Variants in CEACAM4 observed in about 807,000 individuals in gnomAD.
CEACAM4 encodes the protein CEA cell adhesion molecule 4, also known as cell adhesion molecule CEACAM4.
CEACAM4 carries 30 observed loss-of-function variants against 28.7 expected under a neutral mutation model. That is an observed-to-expected ratio of 1.05 (90% CI 0.78 to 1.42). CEACAM4 has a LOEUF of 1.42. CEACAM4 is among the 40% of genes most tolerant of loss of function. The probability of loss-of-function intolerance (pLI) is 0.00; values close to 1 mark genes in which losing one functional copy is unlikely to be tolerated. For synonymous variants in CEACAM4, 143 were observed against 126.5 expected (o/e 1.13, Z -0.87); for missense variants, 330 against 308.2 (o/e 1.07, Z -0.53).
At chr19:41,626,270 C>T (rs894865156) in intron 1 of CEACAM4, among the ~76,000 whole-genome samples, 2 of 152,094 alleles carry the variant, frequency 1.3e-5, no homozygotes, top group African/African-American at 4.8e-5. Context: ...TTGGGAGACC[C>T]CTCCCCTGAC....
downstream of CEACAM4, among the ~76,000 whole-genome samples, chr19:41,614,995 G>A (rs1161046262): frequency 6.6e-6 from 1 of 151,876 alleles, no homozygotes; most frequent in Non-Finnish European, 1.5e-5. Context: ...GGAAGGGAAA[G>A]TTTGGGCATT....
chr19:41,626,266 G>A (rs1364906700), intron 1 of CEACAM4, among the ~76,000 whole-genome samples: 2 of 152,114 alleles, frequency 1.3e-5, no homozygotes, highest in African/African-American at 4.8e-5. Context: ...GTTTTTGGGA[G>A]ACCCCTCCCC....
chr19:41,614,259 T>A (rs558602525), downstream of CEACAM4, among the ~76,000 whole-genome samples: 5 of 152,350 alleles, frequency 3.3e-5, no homozygotes, highest in East Asian at 9.6e-4. Flanking sequence ...TTCCTGGAGC[T>A]CATTCCTTCA....
chr19:41,614,645 C>T (rs1464607553), downstream of CEACAM4, among the ~76,000 whole-genome samples: 1 of 152,190 alleles, frequency 6.6e-6, no homozygotes, highest in African/African-American at 2.4e-5. Flanking sequence ...AGACCAGATG[C>T]CAGGAGCCCT....
intron 5 of CEACAM4, 38 bp downstream of exon 5, chr19:41,620,173 A>G (rs781901559): frequency 2.7e-6 from 4 of 1,484,592 alleles, no homozygotes; most frequent in East Asian, 2.6e-5. Flanking sequence ...CACTGTTGGG[A>G]CCCCAGTAGA....
downstream of CEACAM4, among the ~76,000 whole-genome samples, chr19:41,617,336 T>G (rs1394631836): frequency 6.6e-6 from 1 of 152,188 alleles, no homozygotes; most frequent in Non-Finnish European, 1.5e-5. Context: ...GGGATGTTAA[T>G]GCAGGAACTG....
chr19:41,618,003 C>A (rs1309553254), downstream of CEACAM4, among the ~76,000 whole-genome samples: 1 of 152,186 alleles, frequency 6.6e-6, no homozygotes, highest in Non-Finnish European at 1.5e-5. Flanking sequence ...GACGAACAAC[C>A]TGTGGCAGTG....
In CEACAM4 at chr19:41,619,718, AG is replaced by A; in HGVS notation, c.628-8del. ...TGGGGCTGGGTAGAGGGGCCTGGGC[AG>A]GGGAGAGAGGAGATGTCAGGGGACA... On this transcript the variant is annotated splice_polypyrimidine_tract_variant and splice_region_variant and intron_variant, in intron 5 of 6. Coordinates refer to ENST00000221954, the MANE Select transcript of CEACAM4 (RefSeq NM_001817.4). 1 of 1,560,334 alleles carries A rather than the reference AG, an allele frequency of 6.4e-7. No homozygotes were observed. Among genetic ancestry groups the A allele is most frequent in the Non-Finnish European group, 8.7e-7 (1 of 1,152,192 alleles).
intron 2 of CEACAM4, among the ~76,000 whole-genome samples, chr19:41,622,961 T>G (rs1336735315): frequency 6.6e-6 from 1 of 152,218 alleles, no homozygotes; most frequent in African/African-American, 2.4e-5. Flanking sequence ...ATCCGTCTGT[T>G]CTGCACATTG....
chr19:41,620,231 A>G lies in CEACAM4; in HGVS notation c.607T>C (p.Ser203Pro). 6.7e-7 allele frequency: 1 copy of G among 1,484,922 alleles called. No homozygotes were observed. The highest frequency in any genetic ancestry group is 1.4e-5 in the South Asian group (1 of 70,330). 92.0% of individuals were successfully genotyped at this position (1,484,922 alleles called of 1,614,324 possible). A position where few individuals can be genotyped will look rare whatever the true frequency, so the allele number is the denominator to read the frequency against. Residue 203 changes from serine (S) to proline (P), a missense_variant, in exon 5 of 7, where the codon TCT becomes CCT. By Grantham distance (74) the Ser-to-Pro change is moderately conservative. Coordinates refer to ENST00000221954, the MANE Select transcript of CEACAM4 (RefSeq NM_001817.4). ...PPASTPGHGP[S>P]HRSTFSAPLP... ...CTTACCGAGAAGGTGGATCTGTGAGAGGGACCATGGCCTGGGGACAGAGAC... is the reference window on the plus strand; with the variant it reads ...CTTACCGAGAAGGTGGATCTGTGAGGGGGACCATGGCCTGGGGACAGAGAC...
At chr19:41,620,806 C>T (rs915409028) in intron 3 of CEACAM4, among the ~76,000 whole-genome samples, 179 bp from the exon 4 acceptor site, 5 of 152,028 alleles carry the variant, frequency 3.3e-5, no homozygotes, top group South Asian at 2.1e-4. Flanking sequence ...TAAGCAGTCA[C>T]GTCTGTCCTG....
chr19:41,619,548 A>C, intron 6 of CEACAM4, 122 bp downstream of exon 6: 11 of 1,540,090 alleles, frequency 7.1e-6, no homozygotes, highest in African/African-American at 2.7e-5. Context: ...TCCTCTGCTC[A>C]CCACCACCTG....
chr19:41,626,094 G>A (rs1003236477), intron 1 of CEACAM4, 134 bp from the exon 2 acceptor site: 26 of 615,616 alleles, frequency 4.2e-5, no homozygotes, highest in Admixed American at 1.2e-4. Flanking sequence ...GTGTGTGTGT[G>A]TGTGTGTGTG....
chr19:41,618,040 C>T (rs954091174), downstream of CEACAM4, among the ~76,000 whole-genome samples: 1 of 93,934 alleles, frequency 1.1e-5, no homozygotes, highest in Non-Finnish European at 2.7e-5. Flanking sequence ...AACTGTGGCT[C>T]TGTGCTTTAG....
chr19:41,620,732 G>T (rs2071227386), intron 3 of CEACAM4, 105 bp from the exon 4 acceptor site: 7 of 929,204 alleles, frequency 7.5e-6, no homozygotes, highest in Non-Finnish European at 1.2e-5. Context: ...CTGGAGTGAA[G>T]GCCTCCTGTC....
chr19:41,626,843 C>T, intron 1 of CEACAM4, 57 bp downstream of exon 1: 1 of 1,513,184 alleles, frequency 6.6e-7, no homozygotes, highest in Non-Finnish European at 9.2e-7. Flanking sequence ...ACCCAAGAGA[C>T]CCCAGTCAGT....
rs1555803877 is a variant in CEACAM4, at chr19:41,625,909, T to C, written c.116A>G (p.Glu39Gly). 1.2e-6 allele frequency: 2 copies of C among 1,613,464 alleles called. No individual in the cohort carries two copies. Among genetic ancestry groups the C allele is most frequent in the Admixed American group, 3.3e-5 (2 of 59,972 alleles). The change falls in exon 2 of 7, where the codon GAA (glutamate) becomes GGA (glycine). Residue 39 changes from glutamate (E) to glycine (G), a missense_variant. By Grantham distance (98) the Glu-to-Gly change is moderately conservative (BLOSUM62 -2). Transcript: ENST00000221954. Reference sequence around the variant, plus strand: ...CTCTGCAGCACTGGACGGCAGGGCTTCAATAGTGAACTGGACAGTGGTGGG... The same window carrying C: ...CTCTGCAGCACTGGACGGCAGGGCTCCAATAGTGAACTGGACAGTGGTGGG... ...HPPTTVQFTI[E>G]ALPSSAAEGK...
downstream of CEACAM4, among the ~76,000 whole-genome samples, chr19:41,614,110 G>C (rs191544344): frequency 6.6e-6 from 1 of 152,098 alleles, no homozygotes; most frequent in Non-Finnish European, 1.5e-5. Context: ...TTTTTTCATT[G>C]GTTCCATTGC....
downstream of CEACAM4, among the ~76,000 whole-genome samples, chr19:41,617,751 A>G (rs782668310): frequency 6.6e-6 from 1 of 152,138 alleles, no homozygotes; most frequent in Non-Finnish European, 1.5e-5. Flanking sequence ...AAAGGAGAGG[A>G]AATGCACTCT....
Sources: allele counts gnomAD v4.1 joint callset (sites outside exome capture counted in the v4.1 genomes callset), GRCh38; gene constraint gnomAD v4.1.1; transcripts MANE v1.5; gene names NCBI Gene and HGNC (gene_info 2026-07-23, HGNC 2026-07-21).